The following SCLY variants were observed in gnomAD, a reference collection of about 807,000 sequenced individuals.
SCLY encodes selenocysteine lyase.
A neutral mutation model predicts 50.1 loss-of-function variants in SCLY; 38 were observed. That is an observed-to-expected ratio of 0.76 (90% CI 0.59 to 0.99). The LOEUF is 0.99. Among genes scored for constraint, SCLY ranks in the 50% least tolerant of loss-of-function variants. SCLY has a pLI of 0.00. For synonymous variants in SCLY, 243 were observed against 249.4 expected (o/e 0.97, Z 0.24); for missense variants, 600 against 620.0 (o/e 0.97, Z 0.34).
rs774157039 is a variant in SCLY, at chr2:238,061,150, G to A, written c.89+7G>A. The A allele has an allele frequency of 2.7e-6, 4 of 1,487,286 alleles. No homozygotes were observed. In the South Asian group the frequency reaches 3.7e-5, roughly 14 times the overall value. The allele number at this position is 1,487,286 out of a possible 1,614,324, so 92.1% of individuals were successfully genotyped here. A position where few individuals can be genotyped will look rare whatever the true frequency, so the allele number is the denominator to read the frequency against. Reference sequence around the variant, plus strand: ...AACACAACTCGCCGGAGAGGTGCGCGCCTTTAGGGCAGGGCTGGGGAGCGG... The same window carrying A: ...AACACAACTCGCCGGAGAGGTGCGCACCTTTAGGGCAGGGCTGGGGAGCGG... On this transcript the variant is annotated splice_region_variant and intron_variant, in intron 1 of 11. Transcript: ENST00000254663.
In SCLY at chr2:238,087,017, C is replaced by T. The variant is rs965583043; in HGVS notation, c.884+3663C>T. 1.0e-3 allele frequency among the ~76,000 whole-genome samples: 42 copies of T among 40,120 alleles called. 2 individuals are homozygous for T. Among genetic ancestry groups the T allele is most frequent in the African/African-American group, 4.2e-3 (36 of 8,580 alleles). 26.3% of individuals were successfully genotyped at this position (40,120 alleles called of 152,430 possible). On this transcript the variant is annotated intron_variant, in intron 7 of 11. Transcript: ENST00000254663. ...CTGGGCAACAAGAGCAAAACTCCGT[C>T]TGAAAAAAAAAAAAAAGACAACATT...
At chr2:238,077,557 A>G (rs929984789) in intron 4 of SCLY, among the ~76,000 whole-genome samples, 1 of 152,240 alleles carries the variant, frequency 6.6e-6, no homozygotes, top group African/African-American at 2.4e-5. Flanking sequence ...AGACCACCTC[A>G]GCATAGATGG....
intron 9 of SCLY, 122 bp from the exon 10 acceptor site, chr2:238,094,298 A>G (rs1486979734): frequency 1.2e-6 from 1 of 809,854 alleles, no homozygotes. Flanking sequence ...TATTCTGGGT[A>G]GATGCTGATT....
chr2:238,082,280 C>G, intron 6 of SCLY, 71 bp downstream of exon 6: 22 of 1,448,270 alleles, frequency 1.5e-5, no homozygotes, highest in Non-Finnish European at 2.1e-5. Context: ...CTCCTCGGTC[C>G]GTAAGCCTCA....
At chr2:238,073,801 G>C (rs1229581212) in intron 4 of SCLY, 1 of 463,388 alleles carries the variant, frequency 2.2e-6, no homozygotes, top group Non-Finnish European at 4.4e-6. Flanking sequence ...ATGTGAAGAT[G>C]ATGAAGATGA....
chr2:238,080,072 C>T (rs180956198), intron 4 of SCLY: 10 of 152,344 alleles, frequency 6.6e-5, no homozygotes, highest in African/African-American at 2.4e-4. Context: ...TCTGGAGCCC[C>T]TCCAGTGAAT....
chr2:238,094,609 G>A lies in SCLY; in HGVS notation c.1108+87G>A, dbSNP rs1171038531. Reference sequence around the variant, plus strand: ...TGGTCCGAGCCAGTGACTCCCACTCGCCCTGCCCTGAGCATGACACAGCTC... The same window carrying A: ...TGGTCCGAGCCAGTGACTCCCACTCACCCTGCCCTGAGCATGACACAGCTC... On this transcript the variant is annotated intron_variant, in intron 10 of 11. Coordinates refer to ENST00000254663, the MANE Select transcript of SCLY (RefSeq NM_016510.7). 45 of 1,143,306 alleles carry A rather than the reference G, an allele frequency of 3.9e-5. No individual in the cohort carries two copies. The Middle Eastern group carries it at 1.0e-3, about 25-fold the overall frequency. 70.8% of individuals were successfully genotyped at this position (1,143,306 alleles called of 1,614,324 possible).
intron 4 of SCLY, among the ~76,000 whole-genome samples, chr2:238,073,166 G>A (rs571762007): frequency 1.3e-5 from 2 of 152,272 alleles, no homozygotes; most frequent in African/African-American, 4.8e-5. Context: ...TCAGTTGACC[G>A]TAATATGTGA....
At chr2:238,091,308 C>T (rs1401546828) in intron 8 of SCLY, 54 bp downstream of exon 8, 1 of 1,462,052 alleles carries the variant, frequency 6.8e-7, no homozygotes, top group Non-Finnish European at 9.6e-7. Context: ...ATCAGTGTCC[C>T]CAGCGGCTCT....
Position 238,099,373 on chromosome 2 carries a change from G to A in SCLY, c.*1018G>A, listed in dbSNP as rs1422027684. 4 of 465,712 alleles carry A rather than the reference G, an allele frequency of 8.6e-6. No individual in the cohort carries two copies. The highest frequency in any genetic ancestry group is 1.3e-5 in the Non-Finnish European group (3 of 224,948). 28.8% of individuals were successfully genotyped at this position (465,712 alleles called of 1,614,324 possible). ...ACTTGATGATTTTGAGGAAACACTT[G>A]CCAGAAACTAAATTAACGAATAAAA... On this transcript the variant is annotated 3_prime_UTR_variant, in exon 12 of 12. Coordinates refer to ENST00000254663, the MANE Select transcript of SCLY (RefSeq NM_016510.7).
intron 5 of SCLY, 103 bp downstream of exon 5, chr2:238,081,939 CT>C (rs1210373912): frequency 1.1e-4 from 171 of 1,575,016 alleles, no homozygotes; most frequent in Non-Finnish European, 1.4e-4. Flanking sequence ...TCCCGTTTCT[CT>C]GTTCACTTTG....
intron 9 of SCLY, 88 bp downstream of exon 9, chr2:238,094,032 A>G: frequency 1.7e-6 from 2 of 1,190,450 alleles, no homozygotes; most frequent in Non-Finnish European, 2.4e-6. Flanking sequence ...CCCAGACCCC[A>G]GGACCTGTGG....
intron 4 of SCLY, chr2:238,081,417 C>G (rs1272921157): frequency 5.9e-6 from 2 of 337,388 alleles, no homozygotes; most frequent in Non-Finnish European, 1.1e-5. Flanking sequence ...AAGCAAGAGC[C>G]TGCATCCCTG....
In SCLY at chr2:238,069,549, G is replaced by A; in HGVS notation, c.484+72G>A. On this transcript the variant is annotated intron_variant, in intron 4 of 11. Transcript: ENST00000254663. This position sits in a 1 kb window ranked among gnomAD's most constrained non-coding sequence, Gnocchi z 5.0. ...CTGCGAGGCGGGAAGTGGCCTGCGA[G>A]CAGAGCCCGGGATCCGCTGCAGAGA... 1 of 1,360,126 alleles carries A rather than the reference G, an allele frequency of 7.4e-7. No homozygotes were observed. Among genetic ancestry groups the A allele is most frequent in the Non-Finnish European group, 1.0e-6 (1 of 1,001,702 alleles). The allele number at this position is 1,360,126 out of a possible 1,614,324, so 84.3% of individuals were successfully genotyped here.
Position 238,094,367 on chromosome 2 carries a change from C to G in SCLY, c.1006-53C>G. On this transcript the variant is annotated intron_variant, in intron 9 of 11. Transcript: ENST00000254663. ...GAAAAGTCTAAATTTCAAACAGTTG[C>G]TGGTGGTGGTGTCTTTGAAGCTGTC... The G allele has an allele frequency of 4.9e-6, 7 of 1,415,394 alleles. No homozygotes were observed. The South Asian group carries it at 8.3e-5, about 17-fold the overall frequency. 87.7% of individuals were successfully genotyped at this position (1,415,394 alleles called of 1,614,324 possible).
intron 4 of SCLY, among the ~76,000 whole-genome samples, chr2:238,074,892 A>G (rs1320283629): frequency 1.3e-5 from 2 of 152,114 alleles, no homozygotes; most frequent in Non-Finnish European, 2.9e-5. Context: ...TCCAACTTGT[A>G]TTTCTTTAAT....
At position 238,086,457 on chromosome 2, in the gene SCLY, T is replaced by A. The variant is rs548189370; in HGVS notation, c.884+3103T>A. Among the ~76,000 whole-genome samples the A allele has an allele frequency of 5.8e-4, 88 of 152,218 alleles. 1 individual carries two copies. Among genetic ancestry groups the A allele is most frequent in the Middle Eastern group, 3.4e-3 (1 of 294 alleles). On this transcript the variant is annotated intron_variant, in intron 7 of 11. Coordinates refer to ENST00000254663, the MANE Select transcript of SCLY (RefSeq NM_016510.7). The stretch of plus-strand genomic sequence containing the variant: ...CTGACACGATGGCTCACACCTATAA[T>A]CCCCCTGCTTTGGGAGGCCAAGGCA...
intron 1 of SCLY, chr2:238,061,412 A>G (rs1423995387): frequency 1.6e-6 from 1 of 623,608 alleles, no homozygotes; most frequent in Non-Finnish European, 3.0e-6. Context: ...CTGGGGAAGC[A>G]GAGCCTGCCA....
chr2:238,099,053 A>G lies in SCLY; in HGVS notation c.*698A>G, dbSNP rs1347029462. The G allele has an allele frequency of 8.6e-6, 3 of 348,394 alleles. No homozygotes were observed. Among genetic ancestry groups the G allele is most frequent in the African/African-American group, 6.5e-5 (3 of 46,386 alleles). The allele number at this position is 348,394 out of a possible 1,614,324, so 21.6% of individuals were successfully genotyped here. A position where few individuals can be genotyped will look rare whatever the true frequency, so the allele number is the denominator to read the frequency against. ...CCTGACCCTGTTCCGCCCACTGGCA[A>G]TCAGGGCTGCGCACTTCCCTGTCCA... On this transcript the variant is annotated 3_prime_UTR_variant, in exon 12 of 12. Coordinates refer to ENST00000254663, the MANE Select transcript of SCLY (RefSeq NM_016510.7).
Sources: allele counts gnomAD v4.1 joint callset (sites outside exome capture counted in the v4.1 genomes callset), GRCh38; gene constraint gnomAD v4.1.1; non-coding constraint Gnocchi (gnomAD v3.1); transcripts MANE v1.5; gene names NCBI Gene and HGNC (gene_info 2026-07-23, HGNC 2026-07-21).